Variants in ASCC3 observed in about 807,000 individuals in gnomAD.
The protein encoded by ASCC3 is activating signal cointegrator 1 complex subunit 3.
Under a neutral mutation model 256.3 loss-of-function variants are expected in ASCC3, and 158 were observed. The ratio of observed to expected loss-of-function variants is 0.62; its 90% CI spans 0.54 to 0.70. ASCC3 has a LOEUF of 0.70. Among genes scored for constraint, ASCC3 ranks in the 30% least tolerant of loss-of-function variants. The probability of loss-of-function intolerance (pLI) is 0.00; values close to 1 mark genes in which losing one functional copy is unlikely to be tolerated. For synonymous variants in ASCC3, 948 were observed against 883.4 expected, an observed-to-expected ratio of 1.07 and a Z score of -1.30; for missense variants, 2,259 against 2,626.0, an observed-to-expected ratio of 0.86 and a Z score of 3.05.
chr6:100,669,311 AAGACATAT>A (rs1442808321), intron 14 of ASCC3, among the ~76,000 whole-genome samples: 1 of 149,782 alleles, frequency 6.7e-6, no homozygotes, highest in Non-Finnish European at 1.5e-5. Flanking sequence ...GTTTTATAAA[AAGACATAT>A]ATACACTATA....
Position 100,661,970 on chromosome 6 carries a change from T to G in ASCC3, c.2539A>C (p.Met847Leu), listed in dbSNP as rs1381460267. ...CGTCCAGCTCGACCAAATATCTGCA[T>G]GACATCTAAAATTCCAAGGTCAACA... ...SFVDLGILDV[M>L]QIFGRAGRPQ... Residue 847 changes from methionine to leucine, a missense_variant, in exon 16 of 42, where the codon ATG becomes CTG. Around this residue, in one of 2 missense-constraint regions of ASCC3, gnomAD observed 1,839 missense variants for 2,206.7 expected, o/e 0.83. Transcript: ENST00000369162. The G allele has an allele frequency of 6.2e-7, 1 of 1,613,386 alleles. No individual in the cohort carries two copies. The highest frequency in any genetic ancestry group is 2.2e-5 in the East Asian group (1 of 44,858).
intron 36 of ASCC3, among the ~76,000 whole-genome samples, chr6:100,573,953 G>A (rs1045770413): frequency 2.0e-5 from 3 of 152,022 alleles, no homozygotes; most frequent in African/African-American, 4.8e-5. Flanking sequence ...CATAGGATAG[G>A]CTGGTAACTC....
intron 8 of ASCC3, among the ~76,000 whole-genome samples, chr6:100,786,501 T>C (rs367549065): frequency 6.6e-6 from 1 of 152,196 alleles, no homozygotes; most frequent in Non-Finnish European, 1.5e-5. Flanking sequence ...TGTAATATTT[T>C]ATGGACTTGA....
At chr6:100,610,371 C>T (rs573410230) in intron 30 of ASCC3, among the ~76,000 whole-genome samples, 1 of 152,124 alleles carries the variant, frequency 6.6e-6, no homozygotes, top group Non-Finnish European at 1.5e-5. Context: ...ATGAAAATAT[C>T]CACATAATGA....
chr6:100,666,386 A>C (rs1179223613), intron 14 of ASCC3, among the ~76,000 whole-genome samples: 1 of 152,192 alleles, frequency 6.6e-6, no homozygotes, highest in Non-Finnish European at 1.5e-5. Context: ...GTTTACTTTT[A>C]TAAAAATGCC....
intron 36 of ASCC3, among the ~76,000 whole-genome samples, chr6:100,583,575 G>A (rs1165703247): frequency 1.3e-5 from 2 of 152,028 alleles, no homozygotes; most frequent in Non-Finnish European, 2.9e-5. Context: ...GGTTTTTTGT[G>A]TCTCTATTTC....
At chr6:100,571,225 C>T (rs1431548234) in intron 36 of ASCC3, among the ~76,000 whole-genome samples, 1 of 152,156 alleles carries the variant, frequency 6.6e-6, no homozygotes, top group Non-Finnish European at 1.5e-5. Flanking sequence ...TTTGCATTTG[C>T]TTTTCCCTCT....
chr6:100,713,397 C>T (rs1399621475), intron 13 of ASCC3, among the ~76,000 whole-genome samples: 1 of 152,082 alleles, frequency 6.6e-6, no homozygotes, highest in East Asian at 1.9e-4. Context: ...GTAAAAAGAT[C>T]AGCAGTTAAG....
intron 30 of ASCC3, among the ~76,000 whole-genome samples, chr6:100,618,628 T>C (rs1773787064): frequency 6.6e-6 from 1 of 152,202 alleles, no homozygotes; most frequent in South Asian, 2.1e-4. Flanking sequence ...CAGCTATTGC[T>C]ACTGCTCAGT....
In ASCC3 at chr6:100,608,747, A is replaced by ATTT. The variant is rs1554201115; in HGVS notation, c.4786-1660_4786-1659insAAA. Among the ~76,000 whole-genome samples, 4 of 37,062 alleles carry ATTT rather than the reference A, an allele frequency of 1.1e-4. 2 individuals are homozygous for ATTT. The highest frequency in any genetic ancestry group is 2.1e-4 in the African/African-American group (2 of 9,322). The allele number at this position is 37,062 out of a possible 152,430, so 24.3% of individuals were successfully genotyped here. ...ATATATACTTTATATATATATATAT[A>ATTT]TATATATATATATATATATATACTT... On this transcript the variant is annotated intron_variant, in intron 30 of 41. Coordinates refer to ENST00000369162, the MANE Select transcript of ASCC3 (RefSeq NM_006828.4).
rs1420336135 is a variant in ASCC3 at position 100,573,085 on chromosome 6, C to G, written c.5550+16549G>C. ...AGTAACATAATATTGTAGGGCTCTG[C>G]TTATAGTGGGTTGGATTGAATGTTG... is the stretch of plus-strand genomic sequence containing the variant. On this transcript the variant is annotated intron_variant, in intron 36 of 41. Coordinates refer to ENST00000369162, the MANE Select transcript of ASCC3 (RefSeq NM_006828.4). Among the ~76,000 whole-genome samples the G allele has an allele frequency of 2.6e-5, 4 of 151,950 alleles. No homozygotes were observed. In the East Asian group the frequency reaches 7.7e-4, roughly 29 times the overall value.
intron 13 of ASCC3, among the ~76,000 whole-genome samples, chr6:100,712,014 G>C (rs1778875072): frequency 6.6e-6 from 1 of 152,134 alleles, no homozygotes; most frequent in Non-Finnish European, 1.5e-5. Context: ...AAGGAACAAG[G>C]AGTGAATATA....
At chr6:100,796,191 C>A (rs936841598) in intron 8 of ASCC3, among the ~76,000 whole-genome samples, 3 of 152,028 alleles carry the variant, frequency 2.0e-5, no homozygotes, top group Non-Finnish European at 4.4e-5. Context: ...ACAGTGACAA[C>A]ACCAAATGCT....
chr6:100,516,806 C>T (rs1040405495), intron 38 of ASCC3, among the ~76,000 whole-genome samples: 1 of 152,058 alleles, frequency 6.6e-6, no homozygotes, highest in African/African-American at 2.4e-5. Flanking sequence ...ACACAGGCCA[C>T]ATAAATTTTC....
At chr6:100,555,496 G>T (rs980678128) in intron 36 of ASCC3, among the ~76,000 whole-genome samples, 11 of 152,084 alleles carry the variant, frequency 7.2e-5, no homozygotes, top group Non-Finnish European at 1.3e-4. Context: ...GGACCACCTG[G>T]TTGACAGCTG....
intron 4 of ASCC3, among the ~76,000 whole-genome samples, chr6:100,833,517 T>C (rs1231160626): frequency 6.6e-6 from 1 of 152,202 alleles, no homozygotes; most frequent in Non-Finnish European, 1.5e-5. Flanking sequence ...ACAAATGTAC[T>C]ACCCTAATAC....
In ASCC3 at chr6:100,797,627, T is replaced by C. The variant is rs564202742; in HGVS notation, c.1395+1086A>G. Among the ~76,000 whole-genome samples, 23 of 152,180 alleles carry C rather than the reference T, an allele frequency of 1.5e-4. No individual in the cohort carries two copies. In the South Asian group the frequency reaches 4.6e-3, roughly 30 times the overall value. Reference sequence around the variant, plus strand: ...TTATTGGCTGTCAGTCCTGGCTGTATTGTAGAATCACCCATAGAGCTTCAA... The same window carrying C: ...TTATTGGCTGTCAGTCCTGGCTGTACTGTAGAATCACCCATAGAGCTTCAA... On this transcript the variant is annotated intron_variant, in intron 8 of 41. Transcript: ENST00000369162.
intron 24 of ASCC3, among the ~76,000 whole-genome samples, chr6:100,639,902 GT>G (rs1479603087): frequency 6.6e-6 from 1 of 152,086 alleles, no homozygotes; most frequent in Admixed American, 6.6e-5. Flanking sequence ...ATCACCTGAG[GT>G]CAGGAGTTCG....
rs1324196601 is a variant in ASCC3, at chr6:100,679,575, T to C, written c.2286+43A>G. 15 of 1,612,006 alleles carry C rather than the reference T, an allele frequency of 9.3e-6. No individual in the cohort carries two copies. The East Asian group carries it at 2.9e-4, about 31-fold the overall frequency. ...TCACATATAAAATACCCGGGATATG[T>C]GGCATGTTACATGCTTTAGTTCTTG... On this transcript the variant is annotated intron_variant, in intron 14 of 41. Transcript: ENST00000369162.
Sources: gnomAD v4.1 joint callset for allele counts (sites outside exome capture counted in the v4.1 genomes callset) on GRCh38, gnomAD v4.1.1 for gene constraint, gnomAD v4.1.1 regional missense constraint, MANE v1.5 for transcripts, NCBI Gene and HGNC (gene_info 2026-07-23, HGNC 2026-07-21) for gene names.